The following TMTC2 variants were observed in gnomAD, a reference collection of about 807,000 sequenced individuals.
TMTC2 encodes transmembrane O-mannosyltransferase targeting cadherins 2.
In TMTC2, 43 loss-of-function variants were observed where a neutral mutation model predicts 82.4. The observed-to-expected ratio is 0.52, with a 90% confidence interval of 0.41 to 0.67. The LOEUF is 0.67. Among genes scored for constraint, TMTC2 ranks in the 30% least tolerant of loss-of-function variants. The pLI, the probability that TMTC2 is intolerant of heterozygous loss-of-function variation, is 0.00. For missense variants in TMTC2, 919 were observed against 1,012.4 expected (o/e 0.91, Z 1.25); for synonymous variants, 408 against 381.9 (o/e 1.07, Z -0.80).
intron 1 of TMTC2, among the ~76,000 whole-genome samples, chr12:82,775,641 A>G (rs1463379164): frequency 6.6e-6 from 1 of 152,088 alleles, no homozygotes; most frequent in African/African-American, 2.4e-5. Flanking sequence ...GGTCACTGAA[A>G]TTTTTCACAG....
intron 1 of TMTC2, among the ~76,000 whole-genome samples, chr12:82,735,377 A>G (rs531852393): frequency 2.8e-5 from 4 of 144,696 alleles, no homozygotes; most frequent in Non-Finnish European, 6.0e-5. Flanking sequence ...ACAGAGTCTT[A>G]CTCCGTCGCC....
chr12:82,877,862 AG>A (rs1872655323), intron 2 of TMTC2, among the ~76,000 whole-genome samples: 1 of 152,226 alleles, frequency 6.6e-6, no homozygotes, highest in Admixed American at 6.5e-5. Flanking sequence ...AAACTGTTAA[AG>A]AAACGAGGGA....
chr12:82,959,036 T>C (rs1038488618), intron 4 of TMTC2, among the ~76,000 whole-genome samples: 14 of 152,094 alleles, frequency 9.2e-5, no homozygotes, highest in Non-Finnish European at 2.1e-4. Context: ...ATGAATAATA[T>C]TCAAGCTGAG....
intron 11 of TMTC2, among the ~76,000 whole-genome samples, chr12:83,064,064 G>T (rs1388255119): frequency 6.6e-6 from 1 of 151,636 alleles, no homozygotes; most frequent in Non-Finnish European, 1.5e-5. Flanking sequence ...ATAGAATGCT[G>T]TGAATATACA....
chr12:82,727,220 T>C (rs1325425363), intron 1 of TMTC2, among the ~76,000 whole-genome samples: 1 of 152,198 alleles, frequency 6.6e-6, no homozygotes, highest in Non-Finnish European at 1.5e-5. Context: ...AGAATCAGTC[T>C]TAACCTTTCT....
chr12:82,804,060 A>G (rs1010565487), intron 1 of TMTC2, among the ~76,000 whole-genome samples: 4 of 152,090 alleles, frequency 2.6e-5, no homozygotes, highest in African/African-American at 9.7e-5. Context: ...AAGTTCAGGG[A>G]CATGAATGCT....
Position 82,687,312 on chromosome 12 carries a change from C to T in TMTC2, c.-275C>T, listed in dbSNP as rs1872359008. 5.7e-6 allele frequency: 3 copies of T among 522,028 alleles called. No individual in the cohort carries two copies. Among genetic ancestry groups the T allele is most frequent in the East Asian group, 3.4e-5 (1 of 29,550 alleles). 32.3% of individuals were successfully genotyped at this position (522,028 alleles called of 1,614,324 possible). ...AGCCCTGCGCTTCCGCCGGGGGACGCGGAGCCCAAACGCCGCTCACCGCTT... is the reference window on the plus strand; with the variant it reads ...AGCCCTGCGCTTCCGCCGGGGGACGTGGAGCCCAAACGCCGCTCACCGCTT... On this transcript the variant is annotated 5_prime_UTR_variant, in exon 1 of 12. Transcript: ENST00000321196.
intron 1 of TMTC2, among the ~76,000 whole-genome samples, chr12:82,730,593 T>C (rs1874743760): frequency 6.6e-6 from 1 of 152,216 alleles, no homozygotes; most frequent in Non-Finnish European, 1.5e-5. Flanking sequence ...ATTAGCACTT[T>C]TAGCACACTG....
chr12:82,953,298 A>G (rs12297736), intron 4 of TMTC2, among the ~76,000 whole-genome samples: 3,571 of 152,302 alleles, frequency 0.023, 92 homozygotes, highest in East Asian at 0.15. Flanking sequence ...GCTAGTGCAT[A>G]TTAGTTACTT....
At chr12:82,929,242 C>T (rs1159665824) in intron 3 of TMTC2, among the ~76,000 whole-genome samples, 1 of 151,790 alleles carries the variant, frequency 6.6e-6, no homozygotes, top group Non-Finnish European at 1.5e-5. Context: ...TTTGTTGAGA[C>T]GAGGTTTCAC....
intron 6 of TMTC2, 104 bp downstream of exon 6, chr12:82,965,848 T>A: frequency 1.7e-6 from 2 of 1,195,974 alleles, no homozygotes; most frequent in Non-Finnish European, 2.5e-6. Flanking sequence ...TTTGAACAAC[T>A]AATATGTATA....
At position 82,756,450 on chromosome 12, in the gene TMTC2, G is replaced by T. The variant is rs576604757; in HGVS notation, c.83+68781G>T. ...GAGCAATCATCCTGCCAGTAAAGCTGCGTGAGGGTTTTACCTTACTGATGT... is the reference window on the plus strand; with the variant it reads ...GAGCAATCATCCTGCCAGTAAAGCTTCGTGAGGGTTTTACCTTACTGATGT... On this transcript the variant is annotated intron_variant, in intron 1 of 11. Transcript: ENST00000321196. 3.3e-5 allele frequency among the ~76,000 whole-genome samples: 5 copies of T among 152,300 alleles called. No homozygotes were observed. The East Asian group carries it at 9.7e-4, about 29-fold the overall frequency.
At position 82,915,278 on chromosome 12, in the gene TMTC2, G is replaced by A. The variant is rs142529072; in HGVS notation, c.1484-15153G>A. 2.8e-3 allele frequency among the ~76,000 whole-genome samples: 432 copies of A among 152,266 alleles called. 1 individual carries two copies. The highest frequency in any genetic ancestry group is 0.01 in the African/African-American group (422 of 41,560). Reference sequence around the variant, plus strand: ...CTCCTTATTAGTGTTATCATCTATAGAGTGAGTATAGCAATACCATCTTGT... The same window carrying A: ...CTCCTTATTAGTGTTATCATCTATAAAGTGAGTATAGCAATACCATCTTGT... On this transcript the variant is annotated intron_variant, in intron 3 of 11. Coordinates refer to ENST00000321196, the MANE Select transcript of TMTC2 (RefSeq NM_152588.3).
At chr12:82,757,954 G>C (rs766351138) in intron 1 of TMTC2, among the ~76,000 whole-genome samples, 1 of 152,118 alleles carries the variant, frequency 6.6e-6, no homozygotes, top group African/African-American at 2.4e-5. Flanking sequence ...AAAGGATTAC[G>C]TGAGACTCTT....
chr12:82,828,107 G>C (rs964398543), intron 1 of TMTC2, among the ~76,000 whole-genome samples: 1 of 151,354 alleles, frequency 6.6e-6, no homozygotes, highest in South Asian at 2.1e-4. Flanking sequence ...TGGTCAGGCT[G>C]TTCTCGAATT....
chr12:82,875,045 A>G (rs1008740365), intron 2 of TMTC2, among the ~76,000 whole-genome samples: 4 of 152,186 alleles, frequency 2.6e-5, no homozygotes, highest in Admixed American at 2.0e-4. Context: ...TGTGAGGGCC[A>G]TATGGAGTTT....
At chr12:82,893,725 T>C (rs1555195062) in intron 2 of TMTC2, among the ~76,000 whole-genome samples, 3 of 152,112 alleles carry the variant, frequency 2.0e-5, no homozygotes, top group Non-Finnish European at 4.4e-5. Flanking sequence ...ACTTTTGAAA[T>C]GTAAAAATGG....
chr12:82,835,835 C>A (rs375916930), intron 1 of TMTC2, among the ~76,000 whole-genome samples: 1 of 152,310 alleles, frequency 6.6e-6, no homozygotes, highest in East Asian at 1.9e-4. Flanking sequence ...CTTATGCCCC[C>A]ACTTGACGTC....
At chr12:83,018,147 T>G (rs2137398398) in intron 8 of TMTC2, among the ~76,000 whole-genome samples, 1 of 152,112 alleles carries the variant, frequency 6.6e-6, no homozygotes, top group East Asian at 1.9e-4. Context: ...ACCCTGCCAG[T>G]GACAAATGGA....
Sources: gnomAD v4.1 joint callset for allele counts (sites outside exome capture counted in the v4.1 genomes callset) on GRCh38, gnomAD v4.1.1 for gene constraint, MANE v1.5 for transcripts, NCBI Gene and HGNC (gene_info 2026-07-23, HGNC 2026-07-21) for gene names.